Variants in DCT observed in about 807,000 individuals in gnomAD.
The protein encoded by DCT is L-dopachrome tautomerase.
Under a neutral mutation model 53.0 loss-of-function variants are expected in DCT, and 47 were observed. That is an observed-to-expected ratio of 0.89 (90% CI 0.70 to 1.13). The LOEUF (loss-of-function observed/expected upper bound fraction) is 1.13. DCT is among the 50% of genes most tolerant of loss of function. The probability of loss-of-function intolerance (pLI) is 0.00; values close to 1 mark genes in which losing one functional copy is unlikely to be tolerated. For missense variants in DCT, 669 were observed against 637.4 expected, an observed-to-expected ratio of 1.05 and a Z score of -0.53; for synonymous variants, 244 against 237.0, an observed-to-expected ratio of 1.03 and a Z score of -0.27.
chr13:94,497,308 A>G, the DCT span, among the ~76,000 whole-genome samples: 1 of 152,190 alleles, frequency 6.6e-6, no homozygotes, highest in East Asian at 1.9e-4. Context: ...GCTACTCTGC[A>G]GATCTTGGAC....
chr13:94,493,195 AT>A, the DCT span, among the ~76,000 whole-genome samples: 1 of 152,174 alleles, frequency 6.6e-6, no homozygotes, highest in Admixed American at 6.6e-5. Context: ...CACATCTCTA[AT>A]TCCACATTAT....
chr13:94,511,193 C>T, the DCT span, among the ~76,000 whole-genome samples: 1 of 152,162 alleles, frequency 6.6e-6, no homozygotes, highest in African/African-American at 2.4e-5. Context: ...TGTCTCTCCG[C>T]CATTCCCACC....
intron 6 of DCT, among the ~76,000 whole-genome samples, chr13:94,446,361 C>T (rs532564963): frequency 1.1e-4 from 16 of 152,234 alleles, no homozygotes; most frequent in South Asian, 4.1e-4. Flanking sequence ...TGATGGAATT[C>T]GCATTTTGCA....
the DCT span, among the ~76,000 whole-genome samples, chr13:94,490,709 C>G: frequency 6.6e-6 from 1 of 151,896 alleles, no homozygotes; most frequent in Non-Finnish European, 1.5e-5. Context: ...TATGTACTTA[C>G]AAATCATAGC....
At chr13:94,496,666 T>A in the DCT span, among the ~76,000 whole-genome samples, 1 of 152,158 alleles carries the variant, frequency 6.6e-6, no homozygotes, top group South Asian at 2.1e-4. Context: ...TGTGGTACAG[T>A]TTGCATTTAA....
At chr13:94,484,241 C>T (rs1041053934), upstream of DCT, among the ~76,000 whole-genome samples, 2 of 152,292 alleles carry the variant, frequency 1.3e-5, no homozygotes, top group African/African-American at 4.8e-5. Flanking sequence ...ACCTTACTCA[C>T]GTCTGCTCCC....
the DCT span, among the ~76,000 whole-genome samples, chr13:94,544,414 G>GA: frequency 1.3e-5 from 2 of 152,184 alleles, no homozygotes; most frequent in Admixed American, 6.5e-5. Flanking sequence ...TTTAGGTAGT[G>GA]AATAGCAAAA....
At chr13:94,523,831 C>T in the DCT span, among the ~76,000 whole-genome samples, 1 of 152,060 alleles carries the variant, frequency 6.6e-6, no homozygotes, top group Non-Finnish European at 1.5e-5. Context: ...TTTCCCTGCT[C>T]CCTGGGCTGG....
At chr13:94,466,162 T>A (rs1884207942) in intron 3 of DCT, among the ~76,000 whole-genome samples, 1 of 151,016 alleles carries the variant, frequency 6.6e-6, no homozygotes, top group Non-Finnish European at 1.5e-5. Context: ...CTCACTTATA[T>A]GTGGAATCTA....
chr13:94,526,820 C>T, the DCT span, among the ~76,000 whole-genome samples: 4 of 152,064 alleles, frequency 2.6e-5, no homozygotes, highest in South Asian at 2.1e-4. Flanking sequence ...GGCAGGGTGT[C>T]GCCTCACCCA....
At chr13:94,442,016 T>C (rs1368764162) in intron 7 of DCT, among the ~76,000 whole-genome samples, 1 of 150,936 alleles carries the variant, frequency 6.6e-6, no homozygotes, top group Non-Finnish European at 1.5e-5. Context: ...TACTATTTTC[T>C]ATTTTTTTTT....
chr13:94,526,579 A>G, the DCT span, among the ~76,000 whole-genome samples: 3 of 152,278 alleles, frequency 2.0e-5, no homozygotes, highest in South Asian at 2.1e-4. Flanking sequence ...GCAGTGAGCT[A>G]TGATTGCACC....
the DCT span, among the ~76,000 whole-genome samples, chr13:94,486,172 A>T: frequency 1.3e-5 from 2 of 152,062 alleles, no homozygotes; most frequent in Non-Finnish European, 2.9e-5. Context: ...CAAACTCATC[A>T]TTTTCTCTGG....
chr13:94,548,495 C>T, the DCT span, among the ~76,000 whole-genome samples: 487 of 152,180 alleles, frequency 3.2e-3, 3 homozygotes, highest in African/African-American at 0.011. Context: ...TATTTTCCTA[C>T]GACACAAATA....
chr13:94,449,883 G>T (rs1275773290), intron 6 of DCT, among the ~76,000 whole-genome samples: 1 of 152,134 alleles, frequency 6.6e-6, no homozygotes, highest in African/African-American at 2.4e-5. Flanking sequence ...ACTAAGCTCT[G>T]CCACAAGGAG....
the DCT span, among the ~76,000 whole-genome samples, chr13:94,547,984 A>AAAAAAAAAAAATATATATATATATAT: frequency 1.5e-5 from 1 of 65,818 alleles, no homozygotes; most frequent in African/African-American, 1.3e-4. Flanking sequence ...AAAAAAAAAA[A>AAAAAAAAAAAATATATATATATATAT]ATATATATAT....
chr13:94,530,628 T>C, the DCT span, among the ~76,000 whole-genome samples: 2 of 152,318 alleles, frequency 1.3e-5, no homozygotes, highest in South Asian at 4.1e-4. Flanking sequence ...TAGGTATTGA[T>C]GGAATGTATC....
At chr13:94,477,638 A>G (rs1885179795) in intron 1 of DCT, among the ~76,000 whole-genome samples, 1 of 139,528 alleles carries the variant, frequency 7.2e-6, no homozygotes, top group South Asian at 2.3e-4. Flanking sequence ...CCAGGATCTA[A>G]AATAAAGTTG....
chr13:94,523,020 C>T, the DCT span, among the ~76,000 whole-genome samples: 5 of 152,164 alleles, frequency 3.3e-5, no homozygotes, highest in African/African-American at 1.2e-4. Flanking sequence ...CCTTCATTTG[C>T]TCCCAACATG....
Sources: gnomAD v4.1 joint callset for allele counts (sites outside exome capture counted in the v4.1 genomes callset) on GRCh38, gnomAD v4.1.1 for gene constraint, MANE v1.5 for transcripts, NCBI Gene and HGNC (gene_info 2026-07-23, HGNC 2026-07-21) for gene names.